Variants in CSMD1 observed in about 807,000 individuals in gnomAD.
CSMD1 encodes the protein CUB and sushi domain-containing protein 1.
CSMD1 carries 213 observed loss-of-function variants against 417.5 expected under a neutral mutation model. The ratio of observed to expected loss-of-function variants is 0.51; its 90% CI spans 0.46 to 0.57. CSMD1 has a LOEUF of 0.57. CSMD1 is among the 20% of genes least tolerant of loss of function. The pLI, the probability that CSMD1 is intolerant of heterozygous loss-of-function variation, is 0.00. For synonymous variants in CSMD1, 2,862 were observed against 1,736.8 expected (o/e 1.65, Z -16.11); for missense variants, 6,923 against 4,529.7 (o/e 1.53, Z -15.17).
At chr8:3,824,675 T>C (rs540010701) in intron 5 of CSMD1, among the ~76,000 whole-genome samples, 77 of 152,348 alleles carry the variant, frequency 5.1e-4, no homozygotes, top group African/African-American at 1.6e-3. Context: ...GAGTTAATGA[T>C]GTATATTAAT....
At chr8:3,567,439 A>T (rs941223752) in intron 10 of CSMD1, among the ~76,000 whole-genome samples, 1 of 151,844 alleles carries the variant, frequency 6.6e-6, no homozygotes, top group African/African-American at 2.4e-5. Flanking sequence ...AAATAAAATA[A>T]AAATAAAAAT....
chr8:4,498,301 T>C (rs979203766), intron 2 of CSMD1, among the ~76,000 whole-genome samples: 1 of 152,180 alleles, frequency 6.6e-6, no homozygotes, highest in East Asian at 1.9e-4. Context: ...GTGAGGTTGA[T>C]TTCTATTTTA....
intron 3 of CSMD1, among the ~76,000 whole-genome samples, chr8:4,335,182 G>A (rs957571242): frequency 6.6e-6 from 1 of 152,072 alleles, no homozygotes; most frequent in Non-Finnish European, 1.5e-5. Context: ...GGGATTACAG[G>A]TGTGAGCCAC....
chr8:4,173,162 T>C (rs776899027), intron 3 of CSMD1, among the ~76,000 whole-genome samples: 1 of 152,190 alleles, frequency 6.6e-6, no homozygotes, highest in African/African-American at 2.4e-5. Context: ...TTGATTATAA[T>C]AGCGCATAAA....
intron 1 of CSMD1, among the ~76,000 whole-genome samples, chr8:4,976,289 A>C (rs1261813173): frequency 6.6e-6 from 1 of 152,212 alleles, no homozygotes; most frequent in Non-Finnish European, 1.5e-5. Flanking sequence ...TTTATTTACA[A>C]ATGTATGGAG....
chr8:3,186,786 T>G (rs1585594119), intron 36 of CSMD1, among the ~76,000 whole-genome samples: 1 of 152,240 alleles, frequency 6.6e-6, no homozygotes, highest in Admixed American at 6.5e-5. Flanking sequence ...AAGGGACTCA[T>G]GGAAAACAGT....
At position 4,650,368 on chromosome 8, in the gene CSMD1, A is replaced by AT. The variant is rs1803818015; in HGVS notation, c.86-12811_86-12810insA. On this transcript the variant is annotated intron_variant, in intron 1 of 69. Coordinates refer to ENST00000635120, the MANE Select transcript of CSMD1 (RefSeq NM_033225.6). ...TCAAGAAAAAAAAAAAAAAAAAAAA[A>AT]AAAAATCAATGAAAACAATAGCTCC... Among the ~76,000 whole-genome samples, 4 of 150,480 alleles carry AT rather than the reference A, an allele frequency of 2.7e-5. No individual in the cohort carries two copies. In the South Asian group the frequency reaches 8.3e-4, roughly 31 times the overall value.
At chr8:3,877,237 C>G (rs1227664268) in intron 5 of CSMD1, among the ~76,000 whole-genome samples, 29 of 152,192 alleles carry the variant, frequency 1.9e-4, no homozygotes, top group South Asian at 2.1e-4. Flanking sequence ...TGCTTTGAGA[C>G]CTGCCTACAG....
chr8:3,676,921 C>T (rs868564600), intron 7 of CSMD1, among the ~76,000 whole-genome samples: 1 of 151,968 alleles, frequency 6.6e-6, no homozygotes, highest in Admixed American at 6.6e-5. Flanking sequence ...CCAAACACCA[C>T]ATGTTCACAC....
intron 3 of CSMD1, among the ~76,000 whole-genome samples, chr8:4,075,240 A>G (rs1473154326): frequency 2.0e-5 from 3 of 152,206 alleles, no homozygotes; most frequent in Non-Finnish European, 4.4e-5. Flanking sequence ...TTAAGGACTT[A>G]GGATAATCTA....
intron 1 of CSMD1, among the ~76,000 whole-genome samples, chr8:4,736,874 G>A (rs1309875630): frequency 1.3e-5 from 2 of 152,136 alleles, no homozygotes; most frequent in East Asian, 1.9e-4. Context: ...GAGCTGGTAT[G>A]TAAGCGTTCA....
At chr8:3,733,547 T>A (rs1012226438) in intron 6 of CSMD1, among the ~76,000 whole-genome samples, 5 of 152,042 alleles carry the variant, frequency 3.3e-5, no homozygotes, top group Non-Finnish European at 7.4e-5. Context: ...AAAAAACAAC[T>A]CTTAAGTTGT....
intron 26 of CSMD1, among the ~76,000 whole-genome samples, chr8:3,275,458 G>A (rs1049220295): frequency 1.3e-5 from 2 of 152,112 alleles, no homozygotes; most frequent in South Asian, 2.1e-4. Flanking sequence ...TGTATTTCCT[G>A]AATGTGAATG....
intron 55 of CSMD1, among the ~76,000 whole-genome samples, chr8:2,974,903 G>A (rs773472842): frequency 6.6e-6 from 1 of 152,174 alleles, no homozygotes; most frequent in Non-Finnish European, 1.5e-5. Context: ...CAAGGAGACA[G>A]CCATACTGCC....
At chr8:4,584,946 C>A (rs1415934154) in intron 2 of CSMD1, among the ~76,000 whole-genome samples, 1 of 152,118 alleles carries the variant, frequency 6.6e-6, no homozygotes, top group African/African-American at 2.4e-5. Context: ...CCCAGTCTAA[C>A]TGCCTGCCAG....
chr8:4,646,361 C>T (rs1803514455), intron 1 of CSMD1, among the ~76,000 whole-genome samples: 1 of 152,166 alleles, frequency 6.6e-6, no homozygotes, highest in Admixed American at 6.5e-5. Context: ...TGAAATCATG[C>T]TATGTATTAC....
chr8:4,088,479 C>T (rs370298787), intron 3 of CSMD1, among the ~76,000 whole-genome samples: 2 of 152,236 alleles, frequency 1.3e-5, no homozygotes, highest in Non-Finnish European at 2.9e-5. Flanking sequence ...CATCTCTCTT[C>T]ACTGGTTATC....
intron 2 of CSMD1, among the ~76,000 whole-genome samples, chr8:4,502,544 C>T (rs538530202): frequency 5.9e-5 from 9 of 152,248 alleles, no homozygotes; most frequent in African/African-American, 1.7e-4. Flanking sequence ...CCCATAAGTG[C>T]TCTACATTAT....
chr8:4,755,216 C>A (rs1048961946), intron 1 of CSMD1, among the ~76,000 whole-genome samples: 1 of 152,200 alleles, frequency 6.6e-6, no homozygotes, highest in Non-Finnish European at 1.5e-5. Context: ...CATGTCCACG[C>A]AGTATTTCCT....
Sources: gnomAD v4.1 joint callset for allele counts (sites outside exome capture counted in the v4.1 genomes callset) on GRCh38, gnomAD v4.1.1 for gene constraint, MANE v1.5 for transcripts, NCBI Gene and HGNC (gene_info 2026-07-23, HGNC 2026-07-21) for gene names.